Variants in OR2L13 observed in about 807,000 individuals in gnomAD.
OR2L13 encodes olfactory receptor 2L13.
Under a neutral mutation model 15.3 loss-of-function variants are expected in OR2L13, and 14 were observed. The ratio of observed to expected loss-of-function variants is 0.91; its 90% CI spans 0.60 to 1.43. OR2L13 has a LOEUF of 1.43. Among genes scored for constraint, OR2L13 ranks in the 40% most tolerant of loss-of-function variants. The probability of loss-of-function intolerance (pLI) is 0.00; values close to 1 mark genes in which losing one functional copy is unlikely to be tolerated. For synonymous variants in OR2L13, 152 were observed against 142.9 expected (o/e 1.06, Z -0.45); for missense variants, 367 against 387.9 (o/e 0.95, Z 0.45).
chr1:247,995,980 C>T, the OR2L13 span, among the ~76,000 whole-genome samples: 1 of 152,188 alleles, frequency 6.6e-6, no homozygotes, highest in East Asian at 1.9e-4. Flanking sequence ...ATGACTTCAC[C>T]ACTCGCTTCT....
the OR2L13 span, among the ~76,000 whole-genome samples, chr1:247,977,673 T>C: frequency 3.9e-5 from 6 of 152,192 alleles, no homozygotes; most frequent in African/African-American, 1.4e-4. Context: ...TGCTTACTGC[T>C]TAAAAGTCAG....
chr1:248,051,640 A>G, the OR2L13 span, among the ~76,000 whole-genome samples: 1 of 152,146 alleles, frequency 6.6e-6, no homozygotes, highest in African/African-American at 2.4e-5. Context: ...TGCTATGTTC[A>G]TTATTTTAGT....
chr1:247,958,204 G>C, the OR2L13 span, among the ~76,000 whole-genome samples: 1 of 152,300 alleles, frequency 6.6e-6, no homozygotes, highest in East Asian at 1.9e-4. Flanking sequence ...TATGTACCCA[G>C]TAGTCATTCA....
At chr1:247,973,326 G>A in the OR2L13 span, among the ~76,000 whole-genome samples, 12 of 152,238 alleles carry the variant, frequency 7.9e-5, no homozygotes, top group African/African-American at 2.9e-4. Context: ...TAGGAAGGGA[G>A]GAAGTCCAAT....
chr1:247,978,255 A>T, the OR2L13 span, among the ~76,000 whole-genome samples: 6 of 152,112 alleles, frequency 3.9e-5, no homozygotes, highest in Admixed American at 3.9e-4. Context: ...TTCAGCTGAC[A>T]TATGATTATT....
At chr1:247,982,709 A>AGC in the OR2L13 span, among the ~76,000 whole-genome samples, 5,880 of 152,222 alleles carry the variant, frequency 0.039, 343 homozygotes, top group African/African-American at 0.13. Context: ...TTTTCTATAA[A>AGC]AATGTATGGT....
At chr1:248,046,779 A>G in the OR2L13 span, 1 of 152,158 alleles carries the variant, frequency 6.6e-6, no homozygotes, top group Non-Finnish European at 1.5e-5. Context: ...AAACCAATAT[A>G]CACATTTCTT....
At chr1:248,016,884 T>C in the OR2L13 span, among the ~76,000 whole-genome samples, 4 of 152,248 alleles carry the variant, frequency 2.6e-5, no homozygotes, top group African/African-American at 7.2e-5. Flanking sequence ...TTGTCATCTA[T>C]AAAATGTCGG....
chr1:248,022,211 C>T, the OR2L13 span: 25 of 1,614,026 alleles, frequency 1.5e-5, no homozygotes, highest in African/African-American at 2.7e-4. Context: ...TGTATGGAAA[C>T]AAGTCTATCT....
the OR2L13 span, among the ~76,000 whole-genome samples, chr1:247,955,036 G>A: frequency 6.6e-6 from 1 of 151,892 alleles, no homozygotes. Flanking sequence ...CCATGTTGGT[G>A]TGCTGCACCC....
the OR2L13 span, among the ~76,000 whole-genome samples, chr1:248,009,515 A>G: frequency 6.6e-6 from 1 of 152,166 alleles, no homozygotes; most frequent in Non-Finnish European, 1.5e-5. Context: ...AAGTTCTGAA[A>G]TTGAGGCAGT....
the OR2L13 span, among the ~76,000 whole-genome samples, chr1:247,967,037 AC>A: frequency 6.9e-6 from 1 of 144,716 alleles, no homozygotes; most frequent in Non-Finnish European, 1.5e-5. Context: ...ATGCAAACAC[AC>A]CACACACCAC....
At chr1:248,019,753 T>C in the OR2L13 span, among the ~76,000 whole-genome samples, 1 of 151,354 alleles carries the variant, frequency 6.6e-6, no homozygotes, top group East Asian at 1.9e-4. Context: ...CTTCTCCTTC[T>C]CCTTCTTCTT....
chr1:248,030,938 AT>A, the OR2L13 span, among the ~76,000 whole-genome samples: 1 of 152,038 alleles, frequency 6.6e-6, no homozygotes, highest in African/African-American at 2.4e-5. Flanking sequence ...ATCCTCAGAA[AT>A]TTTTCTGCTC....
At chr1:248,082,362 G>A in the OR2L13 span, among the ~76,000 whole-genome samples, 2 of 720 alleles carry the variant, frequency 2.8e-3, no homozygotes, top group African/African-American at 4.6e-3. Context: ...GGTGGGGGGA[G>A]GGGGGAGGAT....
chr1:248,062,969 A>C, the OR2L13 span: 1 of 152,142 alleles, frequency 6.6e-6, no homozygotes, highest in Admixed American at 6.5e-5. Flanking sequence ...GTCTGTTTTT[A>C]TGCCAGTACC....
the OR2L13 span, among the ~76,000 whole-genome samples, chr1:247,946,054 G>A: frequency 4.7e-3 from 713 of 152,156 alleles, 8 homozygotes; most frequent in African/African-American, 0.016. Context: ...CATTTTCAGT[G>A]TGTAAAGTTT....
At chr1:247,973,415 G>A in the OR2L13 span, among the ~76,000 whole-genome samples, 2 of 152,158 alleles carry the variant, frequency 1.3e-5, no homozygotes, top group African/African-American at 2.4e-5. Context: ...AAGCTGATAA[G>A]CAACTTCAGC....
the OR2L13 span, among the ~76,000 whole-genome samples, chr1:247,955,661 T>C: frequency 2.2e-5 from 3 of 139,516 alleles, no homozygotes; most frequent in Non-Finnish European, 4.7e-5. Flanking sequence ...TGAGATGGTA[T>C]CTCATTGTAG....
Sources: gnomAD v4.1 joint callset for allele counts (sites outside exome capture counted in the v4.1 genomes callset) on GRCh38, gnomAD v4.1.1 for gene constraint, MANE v1.5 for transcripts, NCBI Gene and HGNC (gene_info 2026-07-23, HGNC 2026-07-21) for gene names.